Variants in SARM1 observed in about 807,000 individuals in gnomAD.
SARM1 encodes the protein NAD(+) hydrolase SARM1.
Under a neutral mutation model 65.1 loss-of-function variants are expected in SARM1, and 60 were observed. The observed-to-expected ratio is 0.92, with a 90% confidence interval of 0.75 to 1.14. The LOEUF (loss-of-function observed/expected upper bound fraction) is 1.14, where lower values mean the gene tolerates loss of function less well. Among genes scored for constraint, SARM1 ranks in the 50% most tolerant of loss-of-function variants. The pLI is 0.00. For missense variants in SARM1, 913 were observed against 1,015.7 expected, an observed-to-expected ratio of 0.90 and a Z score of 1.37; for synonymous variants, 417 against 465.4, an observed-to-expected ratio of 0.90 and a Z score of 1.34.
In SARM1 at chr17:28,398,332, T is replaced by G. The variant is rs2068155962; in HGVS notation, c.*2046T>G. The G allele has an allele frequency of 6.6e-6, 1 of 152,356 alleles. No homozygotes were observed. The highest frequency in any genetic ancestry group is 6.5e-5 in the Admixed American group (1 of 15,282). The allele number at this position is 152,356 out of a possible 1,614,324, so 9.4% of individuals were successfully genotyped here. A position where few individuals can be genotyped will look rare whatever the true frequency, so the allele number is the denominator to read the frequency against. On this transcript the variant is annotated 3_prime_UTR_variant, in exon 9 of 9. Transcript: ENST00000585482. Reference sequence around the variant, plus strand: ...GTTGACCTCTGCCCGATCTTCTGTCTCTCTGAGGGAATCAGAGTCCAGCAT... The same window carrying G: ...GTTGACCTCTGCCCGATCTTCTGTCGCTCTGAGGGAATCAGAGTCCAGCAT...
chr17:28,376,858 G>T (rs112341221), intron 1 of SARM1, among the ~76,000 whole-genome samples: 1 of 38 alleles, frequency 0.026, no homozygotes, highest in Non-Finnish European at 0.033. Flanking sequence ...GCACGATCTT[G>T]GGCTCACTGC....
chr17:28,390,599 A>G (rs1455246640), intron 7 of SARM1, among the ~76,000 whole-genome samples: 1 of 152,166 alleles, frequency 6.6e-6, no homozygotes, highest in African/African-American at 2.4e-5. Context: ...TAGGGTTAAA[A>G]TTAAAACCTC....
Position 28,399,886 on chromosome 17 carries a change from C to T in SARM1, c.*3600C>T, listed in dbSNP as rs531937212. 76 of 655,112 alleles carry T rather than the reference C, an allele frequency of 1.2e-4. No homozygotes were observed. The East Asian group carries it at 1.8e-3, about 16-fold the overall frequency. 40.6% of individuals were successfully genotyped at this position (655,112 alleles called of 1,614,324 possible). On this transcript the variant is annotated 3_prime_UTR_variant, in exon 9 of 9. Coordinates refer to ENST00000585482, the MANE Select transcript of SARM1 (RefSeq NM_015077.4). ...GAGGACAATATCCAGGGACATGGCT[C>T]TGGAAAATAACTTTTTTTTTTTTAA...
At position 28,384,345 on chromosome 17, in the gene SARM1, C is replaced by T; in HGVS notation, c.1090-12C>T. 6.4e-7 allele frequency: 1 copy of T among 1,560,874 alleles called. No homozygotes were observed. The highest frequency in any genetic ancestry group is 8.7e-7 in the Non-Finnish European group (1 of 1,151,552). ...GGTGGGACCTACAGCCCTCTCCCCA[C>T]TCCCTCCCTAGGTGTTCAGCGACAT... On this transcript the variant is annotated splice_polypyrimidine_tract_variant and intron_variant, in intron 2 of 8. Transcript: ENST00000585482. This position sits in a 1 kb window ranked among gnomAD's most constrained non-coding sequence, Gnocchi z 4.4.
intron 5 of SARM1, 41 bp from the exon 6 acceptor site, chr17:28,388,133 G>A (rs782719843): frequency 1.3e-5 from 18 of 1,372,874 alleles, no homozygotes; most frequent in South Asian, 3.7e-5. Flanking sequence ...TGAGTGATGC[G>A]GAGGGGCCAC....
chr17:28,388,261 G>C lies in SARM1; in HGVS notation c.1718G>C (p.Gly573Ala). ...DVFISYRRNS[G>A]SQLASLLKVH... ...TTCATCAGCTACCGCCGGAACTCAG[G>C]TTCCCAGCTGGCCAGGTGAGGAGGG... is the stretch of plus-strand genomic sequence containing the variant. The change falls in exon 6 of 9, where the codon GGT becomes GCT. Residue 573 changes from glycine to alanine, a missense_variant. Gly to Ala is a moderately conservative substitution (Grantham distance 60). Coordinates refer to ENST00000585482, the MANE Select transcript of SARM1 (RefSeq NM_015077.4). The C allele has an allele frequency of 6.4e-7, 1 of 1,555,466 alleles. No individual in the cohort carries two copies. Among genetic ancestry groups the C allele is most frequent in the Non-Finnish European group, 8.7e-7 (1 of 1,149,834 alleles).
chr17:28,379,809 A>C (rs2068011588), intron 1 of SARM1, among the ~76,000 whole-genome samples: 1 of 152,362 alleles, frequency 6.6e-6, no homozygotes. Context: ...TGGAATGACG[A>C]ACCATGAAGC....
intron 1 of SARM1, chr17:28,374,069 C>CT (rs1555584361): frequency 6.7e-6 from 1 of 149,932 alleles, no homozygotes; most frequent in Admixed American, 6.6e-5. Flanking sequence ...GGGTTCGAGA[C>CT]CAGCCTGGCC....
Position 28,396,306 on chromosome 17 carries a change from C to A in SARM1, c.*20C>A. Reference sequence around the variant, plus strand: ...ACCTAACCAGTCCCCAGTTCCCCAGCCCTGCTGTGACTTCCATTTCCATCG... The same window carrying A: ...ACCTAACCAGTCCCCAGTTCCCCAGACCTGCTGTGACTTCCATTTCCATCG... On this transcript the variant is annotated 3_prime_UTR_variant, in exon 9 of 9. Transcript: ENST00000585482. 1.2e-6 allele frequency: 2 copies of A among 1,613,166 alleles called. No homozygotes were observed. Among genetic ancestry groups the A allele is most frequent in the Non-Finnish European group, 8.5e-7 (1 of 1,179,416 alleles).
chr17:28,384,243 G>C lies in SARM1; in HGVS notation c.1090-114G>C, dbSNP rs1260229975. 8.4e-6 allele frequency: 7 copies of C among 829,498 alleles called. No individual in the cohort carries two copies. Among genetic ancestry groups the C allele is most frequent in the Non-Finnish European group, 1.3e-5 (7 of 540,086 alleles). 51.4% of individuals were successfully genotyped at this position (829,498 alleles called of 1,614,324 possible). A position where few individuals can be genotyped will look rare whatever the true frequency, so the allele number is the denominator to read the frequency against. ...GACTTAGTGGCTGAAGGTGGGGCCAGGGCAGATGGAGAGACTTTGGGTTGT... is the reference window on the plus strand; with the variant it reads ...GACTTAGTGGCTGAAGGTGGGGCCACGGCAGATGGAGAGACTTTGGGTTGT... On this transcript the variant is annotated intron_variant, in intron 2 of 8. Transcript: ENST00000585482. The surrounding 1 kb of genome is among the most constrained non-coding windows in gnomAD (Gnocchi z 4.4).
rs2068041045 is a variant in SARM1 at position 28,384,661 on chromosome 17, G to T, written c.1302+92G>T. The T allele has an allele frequency of 8.0e-6, 11 of 1,377,550 alleles. No individual in the cohort carries two copies. The South Asian group carries it at 1.5e-4, about 19-fold the overall frequency. 85.3% of individuals were successfully genotyped at this position (1,377,550 alleles called of 1,614,324 possible). ...CCTCCCCGCCTCGCAATCCCGCGGC[G>T]CCAGGGTCGCTTTTGGGGGCGGGGA... On this transcript the variant is annotated intron_variant, in intron 3 of 8. Transcript: ENST00000585482. The surrounding 1 kb of genome is among the most constrained non-coding windows in gnomAD (Gnocchi z 4.4).
intron 7 of SARM1, among the ~76,000 whole-genome samples, chr17:28,389,204 C>T (rs920567388): frequency 7.2e-5 from 11 of 152,062 alleles, no homozygotes; most frequent in African/African-American, 1.9e-4. Context: ...TACTTAACCC[C>T]GATAAGCTTC....
chr17:28,387,485 C>T (rs2068057916), intron 5 of SARM1, among the ~76,000 whole-genome samples: 1 of 145,562 alleles, frequency 6.9e-6, no homozygotes, highest in Non-Finnish European at 1.5e-5. Flanking sequence ...TGGCCCCCCA[C>T]AGTGCTGGGA....
At chr17:28,375,367 G>A (rs2067982938) in intron 1 of SARM1, among the ~76,000 whole-genome samples, 1 of 88 alleles carries the variant, frequency 0.011, no homozygotes, top group Non-Finnish European at 0.023. Context: ...GGAGGCCCAG[G>A]CGGGAGATTG....
At chr17:28,387,930 C>G in intron 5 of SARM1, 1 of 537,878 alleles carries the variant, frequency 1.9e-6, no homozygotes. Flanking sequence ...AGAGAGAGGT[C>G]AGGGCTGGAA....
chr17:28,384,580 G>T lies in SARM1; in HGVS notation c.1302+11G>T. The T allele has an allele frequency of 1.9e-6, 3 of 1,584,140 alleles. No homozygotes were observed. Among genetic ancestry groups the T allele is most frequent in the Non-Finnish European group, 1.7e-6 (2 of 1,165,326 alleles). On this transcript the variant is annotated intron_variant, in intron 3 of 8. Coordinates refer to ENST00000585482, the MANE Select transcript of SARM1 (RefSeq NM_015077.4). The surrounding 1 kb of genome is among the most constrained non-coding windows in gnomAD (Gnocchi z 4.4). The stretch of plus-strand genomic sequence containing the variant: ...TGCGAGAGCTTCCGGGTAGAGTCGC[G>T]TGGGATACGCCTCCCCCGAGTCAGA...
At chr17:28,375,891 G>C (rs2067986385) in intron 1 of SARM1, among the ~76,000 whole-genome samples, 1 of 152,138 alleles carries the variant, frequency 6.6e-6, no homozygotes, top group African/African-American at 2.4e-5. Context: ...ACTATAACAA[G>C]TTTCTTGTAT....
rs956839921 is a variant in SARM1, at chr17:28,402,461, A to C, written c.*6175A>C. ...GAACTTCCTTGATGGTGAGGGTGGGAAGACAGTAGTCAAGGAGGAATGGAG... is the reference window on the plus strand; with the variant it reads ...GAACTTCCTTGATGGTGAGGGTGGGCAGACAGTAGTCAAGGAGGAATGGAG... On this transcript the variant is annotated 3_prime_UTR_variant, in exon 9 of 9. Coordinates refer to ENST00000585482, the MANE Select transcript of SARM1 (RefSeq NM_015077.4). The C allele has an allele frequency of 2.2e-5, 15 of 670,080 alleles. No homozygotes were observed. Among genetic ancestry groups the C allele is most frequent in the Non-Finnish European group, 3.9e-5 (15 of 386,008 alleles). The allele number at this position is 670,080 out of a possible 1,614,324, so 41.5% of individuals were successfully genotyped here. A position where few individuals can be genotyped will look rare whatever the true frequency, so the allele number is the denominator to read the frequency against.
chr17:28,399,554 A>C lies in SARM1; in HGVS notation c.*3268A>C. The C allele has an allele frequency of 1.1e-4, 138 of 1,212,602 alleles. No individual in the cohort carries two copies. The highest frequency in any genetic ancestry group is 1.5e-4 in the Non-Finnish European group (125 of 829,190). 75.1% of individuals were successfully genotyped at this position (1,212,602 alleles called of 1,614,324 possible). ...CCAAAGAGAGCACTGCCCTTAGACA[A>C]GAGTTGCTTGTCCTGCTGTGGGCTG... is the stretch of plus-strand genomic sequence containing the variant. On this transcript the variant is annotated 3_prime_UTR_variant, in exon 9 of 9. Coordinates refer to ENST00000585482, the MANE Select transcript of SARM1 (RefSeq NM_015077.4).
Sources: gnomAD v4.1 joint callset for allele counts (sites outside exome capture counted in the v4.1 genomes callset) on GRCh38, gnomAD v4.1.1 for gene constraint, Gnocchi (gnomAD v3.1) non-coding constraint, MANE v1.5 for transcripts, NCBI Gene and HGNC (gene_info 2026-07-23, HGNC 2026-07-21) for gene names.